Variants in CCDC85A observed in about 807,000 individuals in gnomAD.
CCDC85A encodes the protein coiled-coil domain-containing protein 85A.
In CCDC85A, 38 loss-of-function variants were observed where a neutral mutation model predicts 50.2. That is an observed-to-expected ratio of 0.76 (90% CI 0.58 to 0.99). The LOEUF (loss-of-function observed/expected upper bound fraction) is 0.99. Ranked by LOEUF, CCDC85A falls within the 50% of genes least tolerant of loss-of-function variation. CCDC85A has a pLI of 0.00. For synonymous variants in CCDC85A, 366 were observed against 301.4 expected (o/e 1.21, Z -2.22); for missense variants, 820 against 742.0 (o/e 1.11, Z -1.22).
At chr2:56,267,141 G>T (rs1327457456) in intron 2 of CCDC85A, among the ~76,000 whole-genome samples, 1 of 152,000 alleles carries the variant, frequency 6.6e-6, no homozygotes, top group Non-Finnish European at 1.5e-5. Context: ...AGAAGTAGAT[G>T]CTGTTCTAAA....
Position 56,192,784 on chromosome 2 carries a change from A to G in CCDC85A, c.584A>G (p.Gln195Arg), listed in dbSNP as rs1366572592. ...ATCGACAGCCAGGCCAGCCTGTGCC[A>G]ACTCACAGCCTCCACCGCACCCTAC... ...CSIDSQASLC[Q>R]LTASTAPYVR... Residue 195 changes from glutamine to arginine, a missense_variant, in exon 2 of 6, where the codon CAA (glutamine) becomes CGA (arginine). By Grantham distance (43) the Gln-to-Arg change is conservative. Coordinates refer to ENST00000407595, the MANE Select transcript of CCDC85A (RefSeq NM_001080433.2). This position sits in a 1 kb window ranked among gnomAD's most constrained non-coding sequence, Gnocchi z 4.7. 2 of 1,613,174 alleles carry G rather than the reference A, an allele frequency of 1.2e-6. No homozygotes were observed. The highest frequency in any genetic ancestry group is 1.7e-6 in the Non-Finnish European group (2 of 1,179,512).
chr2:56,210,895 G>A (rs994336165), intron 2 of CCDC85A, among the ~76,000 whole-genome samples: 11 of 151,992 alleles, frequency 7.2e-5, no homozygotes, highest in African/African-American at 2.7e-4. Context: ...CGATCAAGAT[G>A]CAAGCAGAGT....
chr2:56,311,765 G>T (rs1211180405), intron 2 of CCDC85A, among the ~76,000 whole-genome samples: 1 of 152,078 alleles, frequency 6.6e-6, no homozygotes, highest in African/African-American at 2.4e-5. Flanking sequence ...TGTAAAACCT[G>T]CTCTAAAGGC....
chr2:56,270,188 A>G (rs1670637197), intron 2 of CCDC85A, among the ~76,000 whole-genome samples: 1 of 152,194 alleles, frequency 6.6e-6, no homozygotes, highest in Non-Finnish European at 1.5e-5. Context: ...GAGAGTTTTG[A>G]TGATTTATCT....
chr2:56,377,289 C>G (rs894873053), intron 5 of CCDC85A, among the ~76,000 whole-genome samples: 3 of 152,176 alleles, frequency 2.0e-5, no homozygotes, highest in Non-Finnish European at 4.4e-5. Flanking sequence ...ATCTTGTTCT[C>G]TGTGGCAGCA....
chr2:56,190,145 A>G (rs1676237080), intron 1 of CCDC85A, among the ~76,000 whole-genome samples: 2 of 152,228 alleles, frequency 1.3e-5, no homozygotes, highest in South Asian at 4.1e-4. Context: ...TGTTGAAATC[A>G]GCCTGAGTGT....
At chr2:56,202,035 C>T (rs867544818) in intron 2 of CCDC85A, among the ~76,000 whole-genome samples, 1 of 152,084 alleles carries the variant, frequency 6.6e-6, no homozygotes, top group Admixed American at 6.6e-5. Context: ...TTCTTCTAGA[C>T]ATAGAGGCCA....
At chr2:56,267,204 C>T (rs993642857) in intron 2 of CCDC85A, among the ~76,000 whole-genome samples, 4 of 151,976 alleles carry the variant, frequency 2.6e-5, no homozygotes, top group Non-Finnish European at 4.4e-5. Flanking sequence ...TCCTCTTCCA[C>T]CCCCCAGACC....
intron 2 of CCDC85A, among the ~76,000 whole-genome samples, chr2:56,258,263 G>T (rs137854991): frequency 1.7e-3 from 262 of 152,284 alleles, no homozygotes; most frequent in Non-Finnish European, 3.4e-3. Flanking sequence ...GGAACAAAGA[G>T]TTTGGAAAAG....
At chr2:56,312,821 A>G (rs1211660075) in intron 2 of CCDC85A, among the ~76,000 whole-genome samples, 5 of 152,188 alleles carry the variant, frequency 3.3e-5, no homozygotes, top group Admixed American at 1.3e-4. Context: ...AAGTAAATTG[A>G]TCTCTAATTT....
intron 2 of CCDC85A, among the ~76,000 whole-genome samples, chr2:56,259,075 T>C (rs1670109012): frequency 6.6e-6 from 1 of 152,178 alleles, no homozygotes; most frequent in Admixed American, 6.5e-5. Context: ...ACCTAGGTTA[T>C]GACTTTTTCC....
chr2:56,276,133 C>A (rs1237740985), intron 2 of CCDC85A, among the ~76,000 whole-genome samples: 3 of 152,056 alleles, frequency 2.0e-5, no homozygotes, highest in African/African-American at 7.2e-5. Context: ...CCTTATATTC[C>A]TATTAGGTAA....
At chr2:56,266,324 A>G (rs1056876845) in intron 2 of CCDC85A, among the ~76,000 whole-genome samples, 1 of 152,162 alleles carries the variant, frequency 6.6e-6, no homozygotes, top group African/African-American at 2.4e-5. Context: ...AGTCCCAACT[A>G]CTCAGAAGGC....
intron 2 of CCDC85A, among the ~76,000 whole-genome samples, chr2:56,261,843 C>T (rs925165853): frequency 2.6e-5 from 4 of 152,084 alleles, no homozygotes; most frequent in African/African-American, 9.7e-5. Context: ...CTTCACACAC[C>T]CTTTCATGAT....
intron 2 of CCDC85A, among the ~76,000 whole-genome samples, chr2:56,335,594 C>CCAAACT (rs1489224127): frequency 7.1e-6 from 1 of 141,646 alleles, no homozygotes; most frequent in Non-Finnish European, 1.5e-5. Context: ...CAAGAGGGGG[C>CCAAACT]CAAACTCATC....
At chr2:56,266,698 G>C (rs1038319208) in intron 2 of CCDC85A, among the ~76,000 whole-genome samples, 2 of 150,072 alleles carry the variant, frequency 1.3e-5, no homozygotes, top group Non-Finnish European at 2.9e-5. Flanking sequence ...TTCACTGAGA[G>C]TCTTACATGG....
At position 56,384,537 on chromosome 2, in the gene CCDC85A, T is replaced by G; in HGVS notation, c.*182T>G. On this transcript the variant is annotated 3_prime_UTR_variant, in exon 6 of 6. Coordinates refer to ENST00000407595, the MANE Select transcript of CCDC85A (RefSeq NM_001080433.2). Reference sequence around the variant, plus strand: ...CTTCTCCCCTCAAGCTGATATTCTGTGTCTCTCACCTCAATGTCCACAACA... The same window carrying G: ...CTTCTCCCCTCAAGCTGATATTCTGGGTCTCTCACCTCAATGTCCACAACA... The G allele has an allele frequency of 1.8e-6, 1 of 557,252 alleles. No individual in the cohort carries two copies. Among genetic ancestry groups the G allele is most frequent in the Non-Finnish European group, 3.2e-6 (1 of 310,930 alleles). The allele number at this position is 557,252 out of a possible 1,614,324, so 34.5% of individuals were successfully genotyped here.
intron 2 of CCDC85A, among the ~76,000 whole-genome samples, chr2:56,210,045 C>G (rs1223730438): frequency 2.0e-5 from 3 of 152,064 alleles, no homozygotes; most frequent in Non-Finnish European, 4.4e-5. Context: ...AGAGATGATT[C>G]TTGCCTGACA....
chr2:56,324,835 T>C (rs1673386474), intron 2 of CCDC85A, among the ~76,000 whole-genome samples: 1 of 152,122 alleles, frequency 6.6e-6, no homozygotes, highest in Non-Finnish European at 1.5e-5. Context: ...GGGGTTAAAA[T>C]ATTGGTGTCA....
Sources: gnomAD v4.1 joint callset for allele counts (sites outside exome capture counted in the v4.1 genomes callset) on GRCh38, gnomAD v4.1.1 for gene constraint, Gnocchi (gnomAD v3.1) non-coding constraint, MANE v1.5 for transcripts, NCBI Gene and HGNC (gene_info 2026-07-23, HGNC 2026-07-21) for gene names.